SNTG1: variants seen among roughly 807,000 people sequenced by gnomAD.
SNTG1 encodes the protein syntrophin gamma 1.
SNTG1 carries 39 observed loss-of-function variants against 74.7 expected under a neutral mutation model. That is an observed-to-expected ratio of 0.52 (90% confidence interval 0.40 to 0.68). The LOEUF (loss-of-function observed/expected upper bound fraction) is 0.68. Among genes scored for constraint, SNTG1 ranks in the 30% least tolerant of loss-of-function variants. The pLI, the probability that SNTG1 is intolerant of heterozygous loss-of-function variation, is 0.00. For synonymous variants in SNTG1, 254 were observed against 217.1 expected (o/e 1.17, Z -1.49); for missense variants, 685 against 609.5 (o/e 1.12, Z -1.30).
At chr8:50,510,592 A>G (rs2094060983) in intron 9 of SNTG1, among the ~76,000 whole-genome samples, 1 of 152,002 alleles carries the variant, frequency 6.6e-6, no homozygotes, top group Non-Finnish European at 1.5e-5. Context: ...ACAATTTCAG[A>G]GCCTGTTTTT....
At chr8:50,376,750 T>TAGAGAG (rs1347321799) in intron 2 of SNTG1, among the ~76,000 whole-genome samples, 8 of 102,762 alleles carry the variant, frequency 7.8e-5, no homozygotes, top group Admixed American at 1.0e-4. Context: ...TATATATATA[T>TAGAGAG]ATATATAGAG....
chr8:50,357,355 A>G (rs2091847876), intron 2 of SNTG1, among the ~76,000 whole-genome samples: 1 of 152,226 alleles, frequency 6.6e-6, no homozygotes, highest in Non-Finnish European at 1.5e-5. Flanking sequence ...GATGGAAACA[A>G]AAGAACAGGT....
At chr8:50,007,672 G>T (rs762686733) in intron 1 of SNTG1, among the ~76,000 whole-genome samples, 3 of 152,170 alleles carry the variant, frequency 2.0e-5, no homozygotes, top group Non-Finnish European at 4.4e-5. Context: ...TAGGATTTCA[G>T]AGAAGAGTCA....
intron 17 of SNTG1, among the ~76,000 whole-genome samples, chr8:50,716,686 T>C (rs1188249962): frequency 1.3e-5 from 2 of 151,936 alleles, no homozygotes; most frequent in Non-Finnish European, 2.9e-5. Flanking sequence ...TTTCATGCAA[T>C]ATGTTATTGT....
intron 8 of SNTG1, among the ~76,000 whole-genome samples, chr8:50,484,247 C>T (rs1045556945): frequency 5.1e-5 from 7 of 137,142 alleles, no homozygotes. Flanking sequence ...GGAGTTTCCA[C>T]TCTTGTTGCC....
chr8:50,051,540 A>G (rs1311030562), intron 1 of SNTG1, among the ~76,000 whole-genome samples: 1 of 152,118 alleles, frequency 6.6e-6, no homozygotes, highest in African/African-American at 2.4e-5. Flanking sequence ...TTATTGTCTC[A>G]CAGTTGTGTA....
intron 13 of SNTG1, among the ~76,000 whole-genome samples, chr8:50,595,469 AT>A (rs1585793262): frequency 1.3e-5 from 2 of 152,104 alleles, no homozygotes; most frequent in Non-Finnish European, 2.9e-5. Context: ...AAATTTATGT[AT>A]TACAGTTAAA....
At chr8:50,776,684 A>G (rs2095641800) in intron 18 of SNTG1, among the ~76,000 whole-genome samples, 1 of 151,688 alleles carries the variant, frequency 6.6e-6, no homozygotes. Flanking sequence ...TTCTTACCAT[A>G]TTCTTTCTTT....
intron 2 of SNTG1, among the ~76,000 whole-genome samples, chr8:50,344,636 A>G (rs1445103578): frequency 6.6e-6 from 1 of 151,950 alleles, no homozygotes; most frequent in African/African-American, 2.4e-5. Flanking sequence ...TGCAACACTC[A>G]CTCATCTGCT....
At chr8:50,154,148 C>T (rs1010307167) in intron 1 of SNTG1, among the ~76,000 whole-genome samples, 2 of 152,158 alleles carry the variant, frequency 1.3e-5, no homozygotes, top group Non-Finnish European at 2.9e-5. Flanking sequence ...ACTTTGATGT[C>T]AGACTGCTGT....
chr8:50,098,351 A>G (rs203631), intron 1 of SNTG1, among the ~76,000 whole-genome samples: 131,648 of 152,110 alleles, frequency 0.87, 57,111 homozygotes, highest in East Asian at 0.99. Context: ...ACTCATTTGT[A>G]GATTGAAAAT....
intron 4 of SNTG1, 69 bp downstream of exon 4, chr8:50,402,413 G>A: frequency 6.7e-7 from 1 of 1,498,462 alleles, no homozygotes; most frequent in Non-Finnish European, 9.0e-7. Flanking sequence ...TTTATTCACA[G>A]GGCATTTTAA....
chr8:50,492,658 A>C (rs1471813840), intron 8 of SNTG1, among the ~76,000 whole-genome samples: 1 of 152,114 alleles, frequency 6.6e-6, no homozygotes, highest in African/African-American at 2.4e-5. Flanking sequence ...GATGGATTGC[A>C]AAAATTTTCT....
At chr8:50,775,483 A>G (rs879270117) in intron 18 of SNTG1, among the ~76,000 whole-genome samples, 2 of 151,680 alleles carry the variant, frequency 1.3e-5, no homozygotes, top group South Asian at 4.1e-4. Context: ...CTCTGGTCAG[A>G]AAACACACCT....
At chr8:50,651,763 A>T (rs2095148217) in intron 13 of SNTG1, among the ~76,000 whole-genome samples, 1 of 147,492 alleles carries the variant, frequency 6.8e-6, no homozygotes, top group African/African-American at 2.5e-5. Flanking sequence ...GGGCTTATTT[A>T]TTTATTTATT....
At chr8:50,082,089 A>C (rs1346262106) in intron 1 of SNTG1, among the ~76,000 whole-genome samples, 2 of 152,160 alleles carry the variant, frequency 1.3e-5, no homozygotes, top group Non-Finnish European at 2.9e-5. Flanking sequence ...TTAACTCCAG[A>C]ATTTAAATTT....
chr8:50,291,168 T>A (rs1351712102), intron 2 of SNTG1, among the ~76,000 whole-genome samples: 2 of 152,002 alleles, frequency 1.3e-5, no homozygotes, highest in African/African-American at 4.8e-5. Context: ...AGACATAAGG[T>A]CTCTCCTCAA....
intron 18 of SNTG1, among the ~76,000 whole-genome samples, chr8:50,789,141 T>G (rs116799840): frequency 6.6e-6 from 1 of 152,022 alleles, no homozygotes; most frequent in African/African-American, 2.4e-5. Context: ...TACCTTCACA[T>G]GCAGGCTCTC....
chr8:50,704,486 C>T (rs938313090), intron 15 of SNTG1, 114 bp from the exon 16 acceptor site: 61 of 1,285,176 alleles, frequency 4.7e-5, no homozygotes, highest in Non-Finnish European at 6.4e-5. Context: ...TTGGTGAATT[C>T]GCAGAGTGTT....
Sources: allele counts gnomAD v4.1 joint callset (sites outside exome capture counted in the v4.1 genomes callset), GRCh38; gene constraint gnomAD v4.1.1; transcripts MANE v1.5; gene names NCBI Gene and HGNC (gene_info 2026-07-23, HGNC 2026-07-21).